C7: variants seen among roughly 807,000 people sequenced by gnomAD.
C7 encodes complement component C7.
A neutral mutation model predicts 104.8 loss-of-function variants in C7; 83 were observed. That is an observed-to-expected ratio of 0.79 (90% CI 0.66 to 0.95). C7 has a LOEUF of 0.95. Among genes scored for constraint, C7 ranks in the 40% least tolerant of loss-of-function variants. The pLI, the probability that C7 is intolerant of heterozygous loss-of-function variation, is 0.00. For synonymous variants in C7, 415 were observed against 360.6 expected, an observed-to-expected ratio of 1.15 and a Z score of -1.71; for missense variants, 1,070 against 1,011.2, an observed-to-expected ratio of 1.06 and a Z score of -0.79.
intron 10 of C7, among the ~76,000 whole-genome samples, chr5:40,957,350 A>G (rs1475384718): frequency 6.6e-6 from 1 of 152,212 alleles, no homozygotes; most frequent in African/African-American, 2.4e-5. Flanking sequence ...AGAATCCATG[A>G]TTTCCACTAA....
At chr5:40,941,269 G>A (rs1240354722) in intron 6 of C7, among the ~76,000 whole-genome samples, 8 of 151,894 alleles carry the variant, frequency 5.3e-5, no homozygotes, top group South Asian at 2.1e-4. Flanking sequence ...TCGCCATGTC[G>A]GTCAGGCTGG....
chr5:40,976,376 C>G (rs1267483389), intron 15 of C7, among the ~76,000 whole-genome samples: 1 of 152,202 alleles, frequency 6.6e-6, no homozygotes, highest in Non-Finnish European at 1.5e-5. Flanking sequence ...GAATTAAATG[C>G]TGCCTGGGCC....
Position 40,984,332 on chromosome 5 carries a change from A to T in C7, c.*2759A>T, listed in dbSNP as rs1322526371. 6.6e-6 allele frequency among the ~76,000 whole-genome samples: 1 copy of T among 152,162 alleles called. No individual in the cohort carries two copies. The highest frequency in any genetic ancestry group is 1.5e-5 in the Non-Finnish European group (1 of 68,028). ...GGAGTGCCAAGCAGGAAATCTGACA[A>T]GTGACCCCCGGAACTTTGGATTACC... On this transcript the variant is annotated 3_prime_UTR_variant, in exon 18 of 18. Transcript: ENST00000313164.
At chr5:40,931,529 G>A (rs1739683174) in intron 3 of C7, among the ~76,000 whole-genome samples, 1 of 152,090 alleles carries the variant, frequency 6.6e-6, no homozygotes, top group Admixed American at 6.5e-5. Flanking sequence ...ACAAACACTA[G>A]CAAATAGCAA....
At position 40,945,904 on chromosome 5, in the gene C7, A is replaced by G. The variant is rs28704590; in HGVS notation, c.738+536A>G. ...TATATATATATATATATATATATAT[A>G]TATATGTATATTTAGTTATAGTTTT... On this transcript the variant is annotated intron_variant, in intron 7 of 17. Transcript: ENST00000313164. 8.4e-5 allele frequency among the ~76,000 whole-genome samples: 11 copies of G among 130,178 alleles called. No homozygotes were observed. The East Asian group carries it at 1.6e-3, about 19-fold the overall frequency. The allele number at this position is 130,178 out of a possible 152,430, so 85.4% of individuals were successfully genotyped here. A position where few individuals can be genotyped will look rare whatever the true frequency, so the allele number is the denominator to read the frequency against.
At chr5:40,938,562 A>T (rs1284117915) in intron 6 of C7, among the ~76,000 whole-genome samples, 1 of 152,174 alleles carries the variant, frequency 6.6e-6, no homozygotes, top group African/African-American at 2.4e-5. Flanking sequence ...ACCTCATAGG[A>T]TATGTATGTA....
chr5:40,951,826 C>A (rs960076372), intron 9 of C7, among the ~76,000 whole-genome samples: 3 of 152,100 alleles, frequency 2.0e-5, no homozygotes, highest in Admixed American at 1.3e-4. Context: ...TAGATGAGTG[C>A]AAGAAGGAGG....
intron 1 of C7, among the ~76,000 whole-genome samples, chr5:40,926,612 C>G (rs887868599): frequency 6.6e-6 from 1 of 152,104 alleles, no homozygotes; most frequent in African/African-American, 2.4e-5. Flanking sequence ...TTTCCATAAA[C>G]TAACAATGAA....
chr5:40,916,056 T>C (rs915471276), intron 1 of C7, among the ~76,000 whole-genome samples: 2 of 151,030 alleles, frequency 1.3e-5, no homozygotes, highest in South Asian at 4.1e-4. Flanking sequence ...AAGATTTGAA[T>C]TGTATCTTCT....
intron 14 of C7, among the ~76,000 whole-genome samples, chr5:40,969,365 C>T (rs1235147823): frequency 6.6e-6 from 1 of 151,984 alleles, no homozygotes; most frequent in African/African-American, 2.4e-5. Flanking sequence ...CTGTTAATTT[C>T]ATTCTTTAGG....
rs1375201745 is a variant in C7 at position 40,982,103 on chromosome 5, T to G, written c.*530T>G. The G allele has an allele frequency of 6.6e-6, 1 of 152,398 alleles. No individual in the cohort carries two copies. Among genetic ancestry groups the G allele is most frequent in the African/African-American group, 2.4e-5 (1 of 41,444 alleles). The allele number at this position is 152,398 out of a possible 1,614,324, so 9.4% of individuals were successfully genotyped here. ...CTATCCTGAGTAGTAATCTCACACT[T>G]CATCCTATAGAGTCAACCACCACAG... On this transcript the variant is annotated 3_prime_UTR_variant, in exon 18 of 18. Coordinates refer to ENST00000313164, the MANE Select transcript of C7 (RefSeq NM_000587.4).
At chr5:40,929,633 A>T (rs893209910) in intron 2 of C7, among the ~76,000 whole-genome samples, 2 of 152,178 alleles carry the variant, frequency 1.3e-5, no homozygotes, top group Admixed American at 1.3e-4. Context: ...TAGTTCTTTT[A>T]TTCTTCGTAG....
intron 1 of C7, among the ~76,000 whole-genome samples, chr5:40,917,805 C>A (rs890832507): frequency 6.6e-6 from 1 of 151,984 alleles, no homozygotes; most frequent in African/African-American, 2.4e-5. Flanking sequence ...TTGACTTGTA[C>A]AAATGTAATA....
rs1253494257 is a variant in C7, at chr5:40,947,682, T to C, written c.819T>C (p.Ala273=). 6.2e-7 allele frequency: 1 copy of C among 1,613,798 alleles called. No individual in the cohort carries two copies. Among genetic ancestry groups the C allele is most frequent in the Non-Finnish European group, 8.5e-7 (1 of 1,179,808 alleles). ...ACAATCCAGAATTTTTACAACTTGC[T>C]GAGCCATTCTGGAAGGAGCTTTCCC... is the stretch of plus-strand genomic sequence containing the variant. ...INNNPEFLQL[A]EPFWKELSHL... is the part of the protein sequence containing the mutation. Residue 273 remains alanine (A), a synonymous_variant, in exon 8 of 18, where the codon GCT becomes GCC. Coordinates refer to ENST00000313164, the MANE Select transcript of C7 (RefSeq NM_000587.4).
At chr5:40,941,062 CTT>C (rs35003828) in intron 6 of C7, among the ~76,000 whole-genome samples, 17 of 138,868 alleles carry the variant, frequency 1.2e-4, no homozygotes, top group Non-Finnish European at 1.1e-4. Flanking sequence ...AGGAACACTT[CTT>C]TTTTTTTTTT....
chr5:40,958,705 G>A (rs372858151), intron 11 of C7, among the ~76,000 whole-genome samples: 28 of 152,168 alleles, frequency 1.8e-4, no homozygotes, highest in Middle Eastern at 3.4e-3. Context: ...TGTGCTCTAC[G>A]GTGTATATGG....
At chr5:40,969,147 A>T (rs1418401557) in intron 14 of C7, among the ~76,000 whole-genome samples, 1 of 152,050 alleles carries the variant, frequency 6.6e-6, no homozygotes, top group African/African-American at 2.4e-5. Flanking sequence ...TATTATATTT[A>T]AAAATATTAA....
chr5:40,953,733 C>T (rs1014617468), intron 9 of C7, among the ~76,000 whole-genome samples: 2 of 150,794 alleles, frequency 1.3e-5, no homozygotes, highest in Admixed American at 1.3e-4. Context: ...TTTAAAATAG[C>T]TAGAAGACAA....
rs775095625 is a variant in C7, at chr5:40,945,328, G to A, written c.698G>A (p.Arg233His). The change falls in exon 7 of 18, where the codon CGC becomes CAC. Residue 233 changes from arginine to histidine, a missense_variant. Coordinates refer to ENST00000313164, the MANE Select transcript of C7 (RefSeq NM_000587.4). Reference protein sequence around the residue: ...SFFRSSSSSSRSYTSHTNEIH... With the variant: ...SFFRSSSSSSHSYTSHTNEIH... ...TTTAGATCTTCATCATCTTCTTCAC[G>A]CAGTTATACTTCACATACCAATGAA... is the stretch of plus-strand genomic sequence containing the variant. The A allele has an allele frequency of 1.1e-5, 18 of 1,607,844 alleles. No individual in the cohort carries two copies. The highest frequency in any genetic ancestry group is 9.0e-5 in the South Asian group (8 of 89,312).
Sources: allele counts gnomAD v4.1 joint callset (sites outside exome capture counted in the v4.1 genomes callset), GRCh38; gene constraint gnomAD v4.1.1; transcripts MANE v1.5; gene names NCBI Gene and HGNC (gene_info 2026-07-23, HGNC 2026-07-21).